LMBR1L: variants seen among roughly 807,000 people sequenced by gnomAD.
The protein encoded by LMBR1L is limb development membrane protein 1 like.
A neutral mutation model predicts 67.3 loss-of-function variants in LMBR1L; 47 were observed. That is an observed-to-expected ratio of 0.70 (90% CI 0.55 to 0.89). The LOEUF (loss-of-function observed/expected upper bound fraction) is 0.89, where lower values mean the gene tolerates loss of function less well. LMBR1L is among the 40% of genes least tolerant of loss of function. The pLI, the probability that LMBR1L is intolerant of heterozygous loss-of-function variation, is 0.00. For synonymous variants in LMBR1L, 247 were observed against 250.3 expected (o/e 0.99, Z 0.13); for missense variants, 533 against 599.2 (o/e 0.89, Z 1.15).
chr12:49,102,000 C>A, intron 11 of LMBR1L, 120 bp downstream of exon 11: 1 of 816,508 alleles, frequency 1.2e-6, no homozygotes, highest in Non-Finnish European at 2.0e-6. Context: ...AAAGTAGGCA[C>A]TCAGTGAGAA....
rs530576567 is a variant in LMBR1L, at chr12:49,097,298, C to T, written c.*374G>A. The T allele has an allele frequency of 3.5e-5, 8 of 227,140 alleles. No individual in the cohort carries two copies. The highest frequency in any genetic ancestry group is 2.8e-4 in the East Asian group (3 of 10,670). 14.1% of individuals were successfully genotyped at this position (227,140 alleles called of 1,614,324 possible). ...GAGGCAAGGGAGACAATCTATCTCC[C>T]GAGCCTGCCCTGGCCCAGTCCTTTC... On this transcript the variant is annotated 3_prime_UTR_variant, in exon 17 of 17. Coordinates refer to ENST00000267102, the MANE Select transcript of LMBR1L (RefSeq NM_018113.4).
intron 5 of LMBR1L, chr12:49,104,044 TTGTG>T: frequency 1.9e-6 from 1 of 517,798 alleles, no homozygotes; most frequent in Non-Finnish European, 3.4e-6. Context: ...TTCCTTGTCA[TTGTG>T]TGCTCTGGGA....
intron 8 of LMBR1L, 51 bp downstream of exon 8, chr12:49,102,836 C>T (rs767743218): frequency 8.5e-6 from 13 of 1,526,784 alleles, no homozygotes; most frequent in Non-Finnish European, 1.2e-5. Flanking sequence ...TTGGTTCCAG[C>T]TCTGCAGGAA....
intron 7 of LMBR1L, 65 bp downstream of exon 7, chr12:49,103,026 C>A: frequency 6.2e-7 from 1 of 1,607,650 alleles, no homozygotes; most frequent in Non-Finnish European, 8.5e-7. Flanking sequence ...CATTCCCTTT[C>A]CTTCTAGCCT....
chr12:49,102,622 G>A (rs1291355135), intron 8 of LMBR1L, 82 bp from the exon 9 acceptor site: 1 of 1,405,960 alleles, frequency 7.1e-7, no homozygotes, highest in Non-Finnish European at 1.0e-6. Context: ...TCTTCCCAGG[G>A]CTCCGTAGTC....
intron 6 of LMBR1L, 78 bp downstream of exon 6, chr12:49,103,609 A>G (rs928844594): frequency 2.1e-4 from 313 of 1,508,400 alleles, no homozygotes; most frequent in Non-Finnish European, 2.1e-4. Context: ...TCCACTTTAG[A>G]AGGTTACAGT....
chr12:49,098,324 TCTC>T (rs1204845211), intron 15 of LMBR1L, among the ~76,000 whole-genome samples: 2 of 152,168 alleles, frequency 1.3e-5, no homozygotes, highest in Non-Finnish European at 2.9e-5. Context: ...TCTGGTATCT[TCTC>T]CTCCAGTGAG....
rs765831841 is a variant in LMBR1L, at chr12:49,110,598, G to C, written c.-43C>G. 6.3e-7 allele frequency: 1 copy of C among 1,583,982 alleles called. No homozygotes were observed. Among genetic ancestry groups the C allele is most frequent in the East Asian group, 2.2e-5 (1 of 44,702 alleles). On this transcript the variant is annotated 5_prime_UTR_variant, in exon 1 of 17. Transcript: ENST00000267102. The stretch of plus-strand genomic sequence containing the variant: ...TGAAGCCGAGGTGCCTCTGGGCCCG[G>C]GGAGGACGAGCGGGGAGGAAGCCGC...
At chr12:49,103,231 A>G in intron 6 of LMBR1L, 72 bp from the exon 7 acceptor site, 3 of 1,302,438 alleles carry the variant, frequency 2.3e-6, no homozygotes, top group Non-Finnish European at 2.2e-6. Flanking sequence ...CAGGCCTCAG[A>G]GTCTAGACAA....
rs771025769 is a variant in LMBR1L, at chr12:49,102,290, T to C, written c.853+3A>G. 8 of 1,614,120 alleles carry C rather than the reference T, an allele frequency of 5.0e-6. No homozygotes were observed. Among genetic ancestry groups the C allele is most frequent in the Non-Finnish European group, 6.8e-6 (8 of 1,179,948 alleles). On this transcript the variant is annotated splice_donor_region_variant and intron_variant, in intron 10 of 16. Transcript: ENST00000267102. ...GTATCCCAAGCCCTACGAAGCCACA[T>C]ACCCAGCAGGACCCTCTGTGTCTGC...
Position 49,107,031 on chromosome 12 carries a change from C to T in LMBR1L, c.87G>A (p.Leu29=). The T allele has an allele frequency of 6.2e-7, 1 of 1,612,938 alleles. No individual in the cohort carries two copies. ...GGCAGAGGATGTACAGTGTTGCAAACAGAAGTGTTGATATCTGTAGCAGAA... is the reference window on the plus strand; with the variant it reads ...GGCAGAGGATGTACAGTGTTGCAAATAGAAGTGTTGATATCTGTAGCAGAA... The part of the protein sequence containing the change: ...RIRECIISTL[L]FATLYILCHI... Residue 29 remains leucine (L), a synonymous_variant, in exon 2 of 17, where the codon CTG becomes CTA. Coordinates refer to ENST00000267102, the MANE Select transcript of LMBR1L (RefSeq NM_018113.4).
rs1939629284 is a variant in LMBR1L at position 49,098,057 on chromosome 12, A to G, written c.1289T>C (p.Leu430Pro). 1.2e-6 allele frequency: 2 copies of G among 1,614,032 alleles called. No homozygotes were observed. The highest frequency in any genetic ancestry group is 2.2e-5 in the East Asian group (1 of 44,892). ...LLGDFGRFNW[L>P]GNFYIVFLYN... Reference sequence around the variant, plus strand: ...GAGGAACACAATGTAGAAATTGCCCAGCCAGTTGAAGCGTCCAAAGTCACC... The same window carrying G: ...GAGGAACACAATGTAGAAATTGCCCGGCCAGTTGAAGCGTCCAAAGTCACC... The change falls in exon 16 of 17, where the codon CTG (leucine) becomes CCG (proline). Residue 430 changes from leucine (L) to proline (P), a missense_variant. By Grantham distance (98) the Leu-to-Pro change is moderately conservative. This residue lies in a region of LMBR1L where 223 missense variants were observed against 241.2 expected (regional missense o/e 0.92). Coordinates refer to ENST00000267102, the MANE Select transcript of LMBR1L (RefSeq NM_018113.4).
chr12:49,097,323 C>T lies in LMBR1L; in HGVS notation c.*349G>A. ...CGAGCCTGCCCTGGCCCAGTCCTTT[C>T]CCTGCCCCTACCCCACCCTATTGCA... On this transcript the variant is annotated 3_prime_UTR_variant, in exon 17 of 17. Transcript: ENST00000267102. The T allele has an allele frequency of 7.4e-6, 2 of 269,194 alleles. No homozygotes were observed. Among genetic ancestry groups the T allele is most frequent in the Non-Finnish European group, 1.5e-5 (2 of 133,904 alleles). The allele number at this position is 269,194 out of a possible 1,614,324, so 16.7% of individuals were successfully genotyped here.
chr12:49,097,491 C>A lies in LMBR1L; in HGVS notation c.*181G>T. The A allele has an allele frequency of 1.6e-6, 1 of 627,994 alleles. No homozygotes were observed. The highest frequency in any genetic ancestry group is 2.8e-6 in the Non-Finnish European group (1 of 354,710). The allele number at this position is 627,994 out of a possible 1,614,324, so 38.9% of individuals were successfully genotyped here. ...GAGGCCACAGTTAAGTATGGAAAAG[C>A]AGGAGGTCCTGGTCCCAAACTCTGG... On this transcript the variant is annotated 3_prime_UTR_variant, in exon 17 of 17. Transcript: ENST00000267102.
Position 49,110,470 on chromosome 12 carries a change from G to A in LMBR1L, c.72+14C>T, listed in dbSNP as rs545042487. 6.1e-5 allele frequency: 99 copies of A among 1,613,272 alleles called. 5 individuals carry two copies. In the South Asian group the frequency reaches 1.1e-3, roughly 17 times the overall value. ...CGCAACCCCCGCTTCTCCTCGCCGG[G>A]GCCCCGCACTCACAATACACTCGCG... On this transcript the variant is annotated intron_variant, in intron 1 of 16. Transcript: ENST00000267102.
chr12:49,099,864 A>G (rs1030436531), intron 15 of LMBR1L, among the ~76,000 whole-genome samples: 1 of 152,244 alleles, frequency 6.6e-6, no homozygotes. Flanking sequence ...TACAGGCATG[A>G]GCCACTGCGC....
Position 49,106,222 on chromosome 12 carries a change from T to C in LMBR1L, c.158-265A>G, listed in dbSNP as rs746967562. 537 of 538,664 alleles carry C rather than the reference T, an allele frequency of 1.0e-3. 1 individual carries two copies. Among genetic ancestry groups the C allele is most frequent in the South Asian group, 1.6e-3 (69 of 43,340 alleles). 33.4% of individuals were successfully genotyped at this position (538,664 alleles called of 1,614,324 possible). A position where few individuals can be genotyped will look rare whatever the true frequency, so the allele number is the denominator to read the frequency against. Reference sequence around the variant, plus strand: ...TTTACTCCTCCCTAGATCTCTCCCATCACAAGTTCCTCTTTATATGCTCAA... The same window carrying C: ...TTTACTCCTCCCTAGATCTCTCCCACCACAAGTTCCTCTTTATATGCTCAA... On this transcript the variant is annotated intron_variant, in intron 2 of 16. Transcript: ENST00000267102.
intron 3 of LMBR1L, 84 bp downstream of exon 3, chr12:49,105,840 C>T (rs1236990566): frequency 8.8e-7 from 1 of 1,141,538 alleles, no homozygotes; most frequent in Non-Finnish European, 1.3e-6. Context: ...GTGAGACTTC[C>T]CCCTTCTCCC....
rs1257351182 is a variant in LMBR1L, at chr12:49,101,382, C to A, written c.1009-59G>T. The A allele has an allele frequency of 3.1e-6, 5 of 1,604,776 alleles. No homozygotes were observed. In the Admixed American group the frequency reaches 6.7e-5, roughly 21 times the overall value. On this transcript the variant is annotated intron_variant, in intron 12 of 16. Transcript: ENST00000267102. ...CCCACCATCAGCACTACCCGGCACC[C>A]AGCCTTCCCACTGTCCTCAGCTTCT...
Sources: gnomAD v4.1 joint callset for allele counts (sites outside exome capture counted in the v4.1 genomes callset) on GRCh38, gnomAD v4.1.1 for gene constraint, gnomAD v4.1.1 regional missense constraint, MANE v1.5 for transcripts, NCBI Gene and HGNC (gene_info 2026-07-23, HGNC 2026-07-21) for gene names.